CCDC102B: variants seen among roughly 807,000 people sequenced by gnomAD.
CCDC102B encodes coiled-coil domain-containing protein 102B.
In CCDC102B, 75 loss-of-function variants were observed where a neutral mutation model predicts 57.4. The observed-to-expected ratio is 1.31, with a 90% CI of 1.08 to 1.58. The LOEUF is 1.58. Among genes scored for constraint, CCDC102B ranks in the 40% most tolerant of loss-of-function variants. The pLI, the probability that CCDC102B is intolerant of heterozygous loss-of-function variation, is 0.00. For missense variants in CCDC102B, 636 were observed against 582.6 expected, an observed-to-expected ratio of 1.09 and a Z score of -0.94; for synonymous variants, 206 against 201.9, an observed-to-expected ratio of 1.02 and a Z score of -0.17.
At chr18:68,978,128 G>A (rs186580523) in intron 6 of CCDC102B, among the ~76,000 whole-genome samples, 102 of 152,120 alleles carry the variant, frequency 6.7e-4, no homozygotes, top group African/African-American at 2.4e-3. Context: ...TATTAATACT[G>A]TTGTTATAAT....
intron 4 of CCDC102B, among the ~76,000 whole-genome samples, chr18:68,850,781 C>G (rs775135350): frequency 6.6e-6 from 1 of 152,060 alleles, no homozygotes; most frequent in Non-Finnish European, 1.5e-5. Flanking sequence ...CAAACTTCTT[C>G]CTGCTCAATG....
chr18:69,003,192 T>G (rs2051252302), intron 6 of CCDC102B, among the ~76,000 whole-genome samples: 1 of 152,254 alleles, frequency 6.6e-6, no homozygotes, highest in Non-Finnish European at 1.5e-5. Flanking sequence ...AAGAAACAAA[T>G]AATATTATGG....
chr18:69,005,010 T>C (rs2145370798), intron 6 of CCDC102B, among the ~76,000 whole-genome samples: 1 of 152,332 alleles, frequency 6.6e-6, no homozygotes, highest in Non-Finnish European at 1.5e-5. Flanking sequence ...TTATTCTTGT[T>C]GAAGATACAT....
Position 68,874,703 on chromosome 18 carries a change from T to C in CCDC102B, c.971T>C (p.Met324Thr). The C allele has an allele frequency of 1.2e-6, 2 of 1,611,728 alleles. No individual in the cohort carries two copies. Among genetic ancestry groups the C allele is most frequent in the Non-Finnish European group, 1.7e-6 (2 of 1,178,292 alleles). Residue 324 changes from methionine to threonine, a missense_variant, in exon 5 of 8, where the codon ATG (methionine) becomes ACG (threonine). Physicochemically the swap from Met to Thr is moderately conservative, Grantham distance 81. Coordinates refer to ENST00000360242, the MANE Select transcript of CCDC102B (RefSeq NM_024781.3). ...DILLGQHNDEMQELSGNIKEE... is the reference protein window; with the variant it reads ...DILLGQHNDETQELSGNIKEE... The stretch of plus-strand genomic sequence containing the variant: ...CTTCTTGGTCAACATAATGATGAAA[T>C]GCAAGAACTGTCAGGCAATATAAAG...
At chr18:69,051,739 AAT>A (rs2052710414) in intron 7 of CCDC102B, among the ~76,000 whole-genome samples, 1 of 152,004 alleles carries the variant, frequency 6.6e-6, no homozygotes, top group Admixed American at 6.6e-5. Context: ...ATATATACAG[AAT>A]TTTGACATAT....
chr18:68,991,123 CT>C (rs11368924), intron 6 of CCDC102B, among the ~76,000 whole-genome samples: 3 of 136,262 alleles, frequency 2.2e-5, no homozygotes, highest in African/African-American at 8.1e-5. Flanking sequence ...GGCCCTTCTG[CT>C]TTTTTTTTTT....
At position 68,896,511 on chromosome 18, in the gene CCDC102B, T is replaced by C. The variant is rs191264886; in HGVS notation, c.1054-708T>C. ...ACTATTTTGGGCTTTACTACCTATATGGTCTCTCTCTCAACAGCTTAACTT... is the reference window on the plus strand; with the variant it reads ...ACTATTTTGGGCTTTACTACCTATACGGTCTCTCTCTCAACAGCTTAACTT... On this transcript the variant is annotated intron_variant, in intron 5 of 7. Transcript: ENST00000360242. Among the ~76,000 whole-genome samples the C allele has an allele frequency of 4.4e-4, 67 of 152,092 alleles. No individual in the cohort carries two copies. The East Asian group carries it at 8.1e-3, about 18-fold the overall frequency.
chr18:68,874,252 C>T (rs1449451944), intron 4 of CCDC102B, among the ~76,000 whole-genome samples: 2 of 150,184 alleles, frequency 1.3e-5, no homozygotes, highest in East Asian at 3.9e-4. Flanking sequence ...AAGTTTGTCT[C>T]TGTTACAATT....
At chr18:69,019,027 CA>C (rs2051751243) in intron 7 of CCDC102B, among the ~76,000 whole-genome samples, 1 of 152,032 alleles carries the variant, frequency 6.6e-6, no homozygotes, top group Non-Finnish European at 1.5e-5. Flanking sequence ...GTGCTCTTCT[CA>C]AAAATTAGAT....
At chr18:69,045,405 A>C (rs1243740746) in intron 7 of CCDC102B, among the ~76,000 whole-genome samples, 1 of 152,114 alleles carries the variant, frequency 6.6e-6, no homozygotes, top group Non-Finnish European at 1.5e-5. Context: ...TATGGTTTTA[A>C]ATGTATTATA....
chr18:69,013,093 A>G (rs2051563842), intron 7 of CCDC102B, among the ~76,000 whole-genome samples: 1 of 152,144 alleles, frequency 6.6e-6, no homozygotes, highest in Non-Finnish European at 1.5e-5. Context: ...AGCACTATTC[A>G]CAATAGCAGC....
chr18:68,863,173 T>C (rs959196830), intron 4 of CCDC102B, among the ~76,000 whole-genome samples: 8 of 8,112 alleles, frequency 9.9e-4, no homozygotes, highest in South Asian at 8.5e-3. Context: ...TATTTTAAGG[T>C]GTGTTTATAT....
At chr18:68,990,924 C>A (rs919076695) in intron 6 of CCDC102B, among the ~76,000 whole-genome samples, 1 of 152,086 alleles carries the variant, frequency 6.6e-6, no homozygotes, top group African/African-American at 2.4e-5. Flanking sequence ...GAATATCTTT[C>A]TTGCCATTCC....
chr18:68,964,049 T>C (rs1010501802), intron 6 of CCDC102B, among the ~76,000 whole-genome samples: 11 of 151,938 alleles, frequency 7.2e-5, no homozygotes, highest in Admixed American at 2.0e-4. Context: ...AAATGGTGTC[T>C]GTCTTCGGGT....
At chr18:68,785,235 C>T (rs1340011001) in intron 2 of CCDC102B, among the ~76,000 whole-genome samples, 1 of 151,904 alleles carries the variant, frequency 6.6e-6, no homozygotes, top group African/African-American at 2.4e-5. Context: ...CATTGTTGGA[C>T]ATTTGGGTTG....
At chr18:68,944,644 G>C (rs1159850221) in intron 6 of CCDC102B, among the ~76,000 whole-genome samples, 1 of 24,444 alleles carries the variant, frequency 4.1e-5, no homozygotes. Context: ...CTGGTGATTA[G>C]GTTAACATTA....
At chr18:69,006,149 T>C (rs769554924) in intron 6 of CCDC102B, among the ~76,000 whole-genome samples, 1 of 152,116 alleles carries the variant, frequency 6.6e-6, no homozygotes, top group African/African-American at 2.4e-5. Context: ...AATCTTCAAA[T>C]TAGGATTCAT....
intron 1 of CCDC102B, among the ~76,000 whole-genome samples, chr18:68,805,771 T>C (rs1341558374): frequency 6.6e-6 from 1 of 152,090 alleles, no homozygotes; most frequent in African/African-American, 2.4e-5. Context: ...GAGGTGAGGA[T>C]GTTGTAACGA....
At chr18:68,927,715 A>G (rs1016410349) in intron 6 of CCDC102B, among the ~76,000 whole-genome samples, 30 of 151,978 alleles carry the variant, frequency 2.0e-4, no homozygotes, top group African/African-American at 6.8e-4. Context: ...CAAGACAGAA[A>G]TTACCCAATG....
Sources: allele counts gnomAD v4.1 joint callset (sites outside exome capture counted in the v4.1 genomes callset), GRCh38; gene constraint gnomAD v4.1.1; transcripts MANE v1.5; gene names NCBI Gene and HGNC (gene_info 2026-07-23, HGNC 2026-07-21).